ROCK2: variants seen among roughly 807,000 people sequenced by gnomAD.
The protein encoded by ROCK2 is Rho associated coiled-coil containing protein kinase 2, also known as rho-associated protein kinase 2.
Under a neutral mutation model 195.1 loss-of-function variants are expected in ROCK2, and 61 were observed. The observed-to-expected ratio is 0.31, with a 90% CI of 0.25 to 0.39. The LOEUF (loss-of-function observed/expected upper bound fraction) is 0.39. Among genes scored for constraint, ROCK2 ranks in the 10% least tolerant of loss-of-function variants. The pLI is 1.00. For missense variants in ROCK2, 1,109 were observed against 1,637.4 expected (o/e 0.68, Z 5.57); for synonymous variants, 504 against 545.5 (o/e 0.92, Z 1.06).
intron 7 of ROCK2, among the ~76,000 whole-genome samples, chr2:11,223,091 T>C (rs1022933968): frequency 8.5e-5 from 13 of 152,096 alleles, no homozygotes; most frequent in Admixed American, 7.9e-4. Context: ...CCTATCCTCT[T>C]AGAAAGAGGC....
At chr2:11,280,661 C>A (rs545929163) in intron 3 of ROCK2, among the ~76,000 whole-genome samples, 35 of 151,950 alleles carry the variant, frequency 2.3e-4, no homozygotes, top group Non-Finnish European at 4.7e-4. Context: ...TCTATGCCCA[C>A]AAATTTAATA....
chr2:11,224,828 A>G (rs1304091993), intron 6 of ROCK2, among the ~76,000 whole-genome samples: 2 of 151,928 alleles, frequency 1.3e-5, no homozygotes, highest in East Asian at 3.9e-4. Context: ...CTTGGGCTGG[A>G]TCAGCATTTT....
chr2:11,314,850 G>C (rs984671340), intron 1 of ROCK2, among the ~76,000 whole-genome samples: 1 of 151,804 alleles, frequency 6.6e-6, no homozygotes, highest in Admixed American at 6.6e-5. Flanking sequence ...CTGCAAAAAA[G>C]GAAAAATGTA....
At chr2:11,342,082 T>A (rs901533428) in intron 1 of ROCK2, among the ~76,000 whole-genome samples, 48 of 152,256 alleles carry the variant, frequency 3.2e-4, no homozygotes, top group Admixed American at 8.5e-4. Flanking sequence ...TATAAAAAAA[T>A]TTTTAAATTT....
intron 1 of ROCK2, among the ~76,000 whole-genome samples, chr2:11,327,606 A>C (rs1028504656): frequency 1.3e-5 from 2 of 152,224 alleles, no homozygotes; most frequent in African/African-American, 4.8e-5. Flanking sequence ...TCTGTCACCC[A>C]GGCTAGAGTG....
At chr2:11,288,940 C>G (rs1215020368) in intron 1 of ROCK2, among the ~76,000 whole-genome samples, 1 of 152,080 alleles carries the variant, frequency 6.6e-6, no homozygotes, top group African/African-American at 2.4e-5. Flanking sequence ...GGTAATTAAT[C>G]TACTAATCCT....
intron 3 of ROCK2, among the ~76,000 whole-genome samples, chr2:11,253,920 C>T (rs1197846667): frequency 1.3e-5 from 2 of 152,192 alleles, no homozygotes; most frequent in African/African-American, 2.4e-5. Context: ...AACCATGACA[C>T]TTATCAGATA....
At chr2:11,218,591 G>GA in intron 10 of ROCK2, 125 bp from the exon 11 acceptor site, 1 of 636,244 alleles carries the variant, frequency 1.6e-6, no homozygotes, top group Admixed American at 3.6e-5. Flanking sequence ...TAAGTTTGAA[G>GA]AAAAAATGTT....
rs751307664 is a variant in ROCK2 at position 11,298,425 on chromosome 2, G to A, written c.142-10689C>T. ...GCAGAGGCTGCAGTGAGCCAAGATC[G>A]TGCCACTCCACTCCAGCCTGAACAA... On this transcript the variant is annotated intron_variant, in intron 1 of 32. Coordinates refer to ENST00000315872, the MANE Select transcript of ROCK2 (RefSeq NM_004850.5). 6.3e-5 allele frequency among the ~76,000 whole-genome samples: 9 copies of A among 143,516 alleles called. No homozygotes were observed. In the South Asian group the frequency reaches 1.3e-3, roughly 21 times the overall value. 94.2% of individuals were successfully genotyped at this position (143,516 alleles called of 152,430 possible).
chr2:11,281,188 T>A (rs1207615024), intron 3 of ROCK2, among the ~76,000 whole-genome samples: 2 of 84,472 alleles, frequency 2.4e-5, no homozygotes, highest in East Asian at 3.6e-4. Flanking sequence ...ATCTGACAAA[T>A]CCAACACCCA....
At chr2:11,333,215 C>G (rs1363351821) in intron 1 of ROCK2, among the ~76,000 whole-genome samples, 1 of 152,124 alleles carries the variant, frequency 6.6e-6, no homozygotes, top group African/African-American at 2.4e-5. Flanking sequence ...AACAATGATG[C>G]CTGACTCTAT....
intron 30 of ROCK2, among the ~76,000 whole-genome samples, chr2:11,193,231 A>G (rs1437386345): frequency 1.3e-5 from 2 of 152,184 alleles, no homozygotes; most frequent in Non-Finnish European, 2.9e-5. Flanking sequence ...TAAACATGAC[A>G]AGCATCCAGA....
At chr2:11,283,187 G>A (rs531870755) in intron 3 of ROCK2, among the ~76,000 whole-genome samples, 1 of 150,928 alleles carries the variant, frequency 6.6e-6, no homozygotes, top group African/African-American at 2.4e-5. Context: ...AGAATCACTG[G>A]AACTCAGGAG....
intron 5 of ROCK2, among the ~76,000 whole-genome samples, chr2:11,231,743 T>C (rs1434736639): frequency 6.6e-6 from 1 of 152,166 alleles, no homozygotes; most frequent in East Asian, 1.9e-4. Context: ...TTGTGTAATA[T>C]ACAATTTATC....
At chr2:11,285,867 C>T (rs1377831863) in intron 3 of ROCK2, among the ~76,000 whole-genome samples, 1 of 151,624 alleles carries the variant, frequency 6.6e-6, no homozygotes, top group African/African-American at 2.4e-5. Flanking sequence ...AAGAAAGAAG[C>T]AATGAAAGGA....
At chr2:11,263,478 G>A (rs1163730909) in intron 3 of ROCK2, among the ~76,000 whole-genome samples, 1 of 151,832 alleles carries the variant, frequency 6.6e-6, no homozygotes, top group Non-Finnish European at 1.5e-5. Context: ...CTCCAAAACT[G>A]TGTTCCTGAC....
upstream of ROCK2, among the ~76,000 whole-genome samples, chr2:11,344,990 C>G (rs1322361673): frequency 6.6e-6 from 1 of 150,778 alleles, no homozygotes; most frequent in Non-Finnish European, 1.5e-5. The surrounding 1 kb of genome is among the most constrained non-coding windows in gnomAD (Gnocchi z 5.4). Context: ...CCCCAGACGC[C>G]GGGCCCAGCG....
Position 11,192,764 on chromosome 2 carries a change from T to C in ROCK2, c.3688-52A>G, listed in dbSNP as rs747881532. The stretch of plus-strand genomic sequence containing the variant: ...GATTTCCAAACATGCTATTTTTTTA[T>C]GTAGGAACAATTCTGATAGTGTAAG... On this transcript the variant is annotated intron_variant, in intron 30 of 32. Transcript: ENST00000315872. This position sits in a 1 kb window ranked among gnomAD's most constrained non-coding sequence, Gnocchi z 5.0. The C allele has an allele frequency of 6.2e-5, 95 of 1,544,638 alleles. 1 individual carries two copies. In the Admixed American group the frequency reaches 8.2e-4, roughly 13 times the overall value.
chr2:11,212,776 C>T, intron 17 of ROCK2, among the ~76,000 whole-genome samples: 1 of 151,940 alleles, frequency 6.6e-6, no homozygotes. Context: ...AAAAAAATCA[C>T]TACTTCACAC....
Sources: gnomAD v4.1 joint callset for allele counts (sites outside exome capture counted in the v4.1 genomes callset) on GRCh38, gnomAD v4.1.1 for gene constraint, Gnocchi (gnomAD v3.1) non-coding constraint, MANE v1.5 for transcripts, NCBI Gene and HGNC (gene_info 2026-07-23, HGNC 2026-07-21) for gene names.